The following EVI5L variants were observed in gnomAD, a reference collection of about 807,000 sequenced individuals.
EVI5L encodes EVI5-like protein.
EVI5L carries 30 observed loss-of-function variants against 106.1 expected under a neutral mutation model. The ratio of observed to expected loss-of-function variants is 0.28; its 90% CI spans 0.21 to 0.38. The LOEUF is 0.38. EVI5L is among the 10% of genes least tolerant of loss of function. EVI5L has a pLI of 1.00. For synonymous variants in EVI5L, 489 were observed against 483.3 expected (o/e 1.01, Z -0.15); for missense variants, 809 against 1,098.0 (o/e 0.74, Z 3.72).
intron 1 of EVI5L, among the ~76,000 whole-genome samples, chr19:7,842,396 ATG>A (rs1416077441): frequency 3.9e-4 from 7 of 17,774 alleles, no homozygotes; most frequent in Admixed American, 1.6e-3. Context: ...GTCTGTGAGA[ATG>A]TGAGTGTGTG....
At chr19:7,836,871 A>T (rs1978363916) in intron 1 of EVI5L, among the ~76,000 whole-genome samples, 1 of 95,124 alleles carries the variant, frequency 1.1e-5, no homozygotes, top group African/African-American at 3.9e-5. Context: ...ACCTCAAGTG[A>T]TCTGCCCCCC....
intron 8 of EVI5L, among the ~76,000 whole-genome samples, chr19:7,852,054 A>C (rs1277514505): frequency 2.6e-5 from 4 of 151,868 alleles, no homozygotes; most frequent in Non-Finnish European, 5.9e-5. Context: ...TCCTGCCCCC[A>C]ACCCCGCAGA....
chr19:7,851,650 C>G, intron 7 of EVI5L, 31 bp from the exon 8 acceptor site: 1 of 1,589,540 alleles, frequency 6.3e-7, no homozygotes, highest in Non-Finnish European at 8.5e-7. Context: ...TCCCTGCCCT[C>G]CACCTCCCAC....
Position 7,863,476 on chromosome 19 carries a change from G to A in EVI5L, c.2192G>A (p.Gly731Glu), listed in dbSNP as rs1299691874. ...PPFEDPLAFD[G>E]LSLARHLDED... The stretch of plus-strand genomic sequence containing the variant: ...TTCGAGGACCCGCTGGCTTTCGATG[G>A]GCTGAGCCTGGCGCGGCACTTGGAC... Residue 731 changes from glycine to glutamate, a missense_variant, in exon 20 of 20, where the codon GGG (glycine) becomes GAG (glutamate). Transcript: ENST00000538904. This position sits in a 1 kb window ranked among gnomAD's most constrained non-coding sequence, Gnocchi z 7.7. The A allele has an allele frequency of 1.3e-6, 2 of 1,571,270 alleles. No individual in the cohort carries two copies. The highest frequency in any genetic ancestry group is 1.8e-5 in the Admixed American group (1 of 54,420).
At chr19:7,853,204 C>A in intron 9 of EVI5L, 21 bp downstream of exon 9, 1 of 1,614,056 alleles carries the variant, frequency 6.2e-7, no homozygotes, top group Non-Finnish European at 8.5e-7. Flanking sequence ...GCTGGGCAAC[C>A]AGGGTACTGG....
intron 8 of EVI5L, 122 bp from the exon 9 acceptor site, chr19:7,852,964 A>C: frequency 1.2e-6 from 1 of 852,598 alleles, no homozygotes; most frequent in South Asian, 1.5e-5. Flanking sequence ...CACGGCGTTG[A>C]GGACATGGCG....
At chr19:7,855,936 C>A in intron 10 of EVI5L, 79 bp from the exon 11 acceptor site, 1 of 1,271,312 alleles carries the variant, frequency 7.9e-7, no homozygotes, top group South Asian at 3.2e-5. Flanking sequence ...GGGACTGACC[C>A]CGGCAGTGGG....
rs1156321629 is a variant in EVI5L, at chr19:7,843,212, A to T, written c.-47-3284A>T. 1.5e-5 allele frequency among the ~76,000 whole-genome samples: 2 copies of T among 131,466 alleles called. 1 individual carries two copies. Among genetic ancestry groups the T allele is most frequent in the Non-Finnish European group, 3.2e-5 (2 of 62,418 alleles). 86.2% of individuals were successfully genotyped at this position (131,466 alleles called of 152,430 possible). A position where few individuals can be genotyped will look rare whatever the true frequency, so the allele number is the denominator to read the frequency against. The stretch of plus-strand genomic sequence containing the variant: ...GTGTGTGTATAGGGGTGTGTGTGTG[A>T]GAATAAGCATGGGTGTGTGTCGAGT... On this transcript the variant is annotated intron_variant, in intron 1 of 19. Coordinates refer to ENST00000538904, the MANE Select transcript of EVI5L (RefSeq NM_001159944.3).
rs1033953161 is a variant in EVI5L at position 7,852,380 on chromosome 19, C to A, written c.987+610C>A. Among the ~76,000 whole-genome samples the A allele has an allele frequency of 9.2e-5, 14 of 152,350 alleles. No homozygotes were observed. In the East Asian group the frequency reaches 2.3e-3, roughly 25 times the overall value. On this transcript the variant is annotated intron_variant, in intron 8 of 19. Coordinates refer to ENST00000538904, the MANE Select transcript of EVI5L (RefSeq NM_001159944.3). ...CAGCTACCAGAGGGGGCCAGCTGGG[C>A]CGGGTGCAGGAGCTGTGTCCCCCCT... is the stretch of plus-strand genomic sequence containing the variant.
chr19:7,863,020 G>A lies in EVI5L; in HGVS notation c.1996G>A (p.Ala666Thr). ...AVRLREADSMAAVAEMRQRIA... is the reference protein window; with the variant it reads ...AVRLREADSMTAVAEMRQRIA... ...GCGACTGCGGGAGGCGGACAGCATG[G>A]CTGCGGTGGCCGAGATGCGGCAGCG... The change falls in exon 18 of 20, where the codon GCT becomes ACT. Residue 666 changes from alanine (A) to threonine (T), a missense_variant. Ala to Thr is a moderately conservative substitution (Grantham distance 58). Around this residue, in one of 2 missense-constraint regions of EVI5L, gnomAD observed 452 missense variants for 509.9 expected, o/e 0.89. Coordinates refer to ENST00000538904, the MANE Select transcript of EVI5L (RefSeq NM_001159944.3). The surrounding 1 kb of genome is among the most constrained non-coding windows in gnomAD (Gnocchi z 7.7). 1 of 1,582,246 alleles carries A rather than the reference G, an allele frequency of 6.3e-7. No individual in the cohort carries two copies.
At position 7,850,339 on chromosome 19, in the gene EVI5L, G is replaced by A. The variant is rs1490728089; in HGVS notation, c.753+217G>A. Among the ~76,000 whole-genome samples, 1 of 152,170 alleles carries A rather than the reference G, an allele frequency of 6.6e-6. No homozygotes were observed. The highest frequency in any genetic ancestry group is 2.4e-5 in the African/African-American group (1 of 41,436). On this transcript the variant is annotated intron_variant, in intron 6 of 19. Coordinates refer to ENST00000538904, the MANE Select transcript of EVI5L (RefSeq NM_001159944.3). This position sits in a 1 kb window ranked among gnomAD's most constrained non-coding sequence, Gnocchi z 5.4. ...TGCAGCACTGCCCTGAAGGATGCTT[G>A]GAGGAACAGGAGAGCCACCACTGAA...
At chr19:7,849,417 C>A in intron 5 of EVI5L, 87 bp downstream of exon 5, 2 of 1,425,276 alleles carry the variant, frequency 1.4e-6, no homozygotes, top group Non-Finnish European at 1.9e-6. Flanking sequence ...AGTGGCGTGT[C>A]CTCCACCCAG....
chr19:7,851,342 A>G, intron 6 of EVI5L, 92 bp from the exon 7 acceptor site: 1 of 1,489,114 alleles, frequency 6.7e-7, no homozygotes, highest in Non-Finnish European at 9.1e-7. Context: ...AGGTCCAGGA[A>G]GGCTCCCTGG....
chr19:7,850,081 G>C lies in EVI5L; in HGVS notation c.712G>C (p.Glu238Gln). ...GGAGCTCTTCAAACCCAGCATGGCCGAGCTCGGGCTCTGCATCTATCAGTT... is the reference window on the plus strand; with the variant it reads ...GGAGCTCTTCAAACCCAGCATGGCCCAGCTCGGGCTCTGCATCTATCAGTT... ...LRELFKPSMA[E>Q]LGLCIYQFEY... Residue 238 changes from glutamate to glutamine, a missense_variant, in exon 6 of 20, where the codon GAG becomes CAG. Coordinates refer to ENST00000538904, the MANE Select transcript of EVI5L (RefSeq NM_001159944.3). The surrounding 1 kb of genome is among the most constrained non-coding windows in gnomAD (Gnocchi z 5.4). The C allele has an allele frequency of 6.2e-7, 1 of 1,605,118 alleles. No individual in the cohort carries two copies. The highest frequency in any genetic ancestry group is 8.5e-7 in the Non-Finnish European group (1 of 1,176,256).
chr19:7,839,532 G>C (rs1416118329), intron 1 of EVI5L, among the ~76,000 whole-genome samples: 1 of 152,172 alleles, frequency 6.6e-6, no homozygotes, highest in East Asian at 1.9e-4. Flanking sequence ...GGCAGGCAAT[G>C]ACGTGGCAAG....
chr19:7,851,656 C>T, intron 7 of EVI5L, 25 bp from the exon 8 acceptor site: 1 of 1,587,740 alleles, frequency 6.3e-7, no homozygotes, highest in South Asian at 1.1e-5. Context: ...CCCTCCACCT[C>T]CCACTGCCTT....
In EVI5L at chr19:7,858,375, C is replaced by T. The variant is rs1218597256; in HGVS notation, c.1374+44C>T. ...GGCTGCTGGGCGGGGCCATGACCCG[C>T]GCCCCCGCCCCCGCCCAACGGTTTT... On this transcript the variant is annotated intron_variant, in intron 13 of 19. Transcript: ENST00000538904. This position sits in a 1 kb window ranked among gnomAD's most constrained non-coding sequence, Gnocchi z 5.7. 3.3e-6 allele frequency: 5 copies of T among 1,496,962 alleles called. No individual in the cohort carries two copies. The African/African-American group carries it at 4.2e-5, about 13-fold the overall frequency. 92.7% of individuals were successfully genotyped at this position (1,496,962 alleles called of 1,614,324 possible).
rs1191307310 is a variant in EVI5L at position 7,860,303 on chromosome 19, C to T, written c.1375-258C>T. ...CAGTCACTGGGGTCCCGCGGGGCATCCGAAGGCCAAGGCAAGTCACCTTTC... is the reference window on the plus strand; with the variant it reads ...CAGTCACTGGGGTCCCGCGGGGCATTCGAAGGCCAAGGCAAGTCACCTTTC... On this transcript the variant is annotated intron_variant, in intron 13 of 19. Coordinates refer to ENST00000538904, the MANE Select transcript of EVI5L (RefSeq NM_001159944.3). Among the ~76,000 whole-genome samples the T allele has an allele frequency of 1.2e-4, 19 of 152,234 alleles. No individual in the cohort carries two copies. The East Asian group carries it at 3.7e-3, about 30-fold the overall frequency.
intron 8 of EVI5L, 48 bp from the exon 9 acceptor site, chr19:7,853,038 G>T: frequency 6.2e-7 from 1 of 1,607,926 alleles, no homozygotes; most frequent in Non-Finnish European, 8.5e-7. Flanking sequence ...GCCCCCGGTG[G>T]TCAGGGCCTG....
Sources: allele counts gnomAD v4.1 joint callset (sites outside exome capture counted in the v4.1 genomes callset), GRCh38; gene constraint gnomAD v4.1.1; regional missense constraint gnomAD v4.1.1; non-coding constraint Gnocchi (gnomAD v3.1); transcripts MANE v1.5; gene names NCBI Gene and HGNC (gene_info 2026-07-23, HGNC 2026-07-21).